FAM124B: variants seen among roughly 807,000 people sequenced by gnomAD.
FAM124B encodes the protein protein FAM124B.
In FAM124B, 18 loss-of-function variants were observed where a neutral mutation model predicts 19.7. The ratio of observed to expected loss-of-function variants is 0.92; its 90% CI spans 0.63 to 1.36. The LOEUF is 1.36. FAM124B is among the 40% of genes most tolerant of loss of function. The probability of loss-of-function intolerance (pLI) is 0.00; values close to 1 mark genes in which losing one functional copy is unlikely to be tolerated. For synonymous variants in FAM124B, 223 were observed against 225.2 expected (o/e 0.99, Z 0.09); for missense variants, 540 against 553.3 (o/e 0.98, Z 0.24).
intron 1 of FAM124B, 97 bp from the exon 2 acceptor site, chr2:224,380,305 C>T (rs1689695678): frequency 1.9e-6 from 2 of 1,071,554 alleles, no homozygotes; most frequent in Non-Finnish European, 2.6e-6. Flanking sequence ...CATGCCATGC[C>T]CATAGCAGAC....
intron 1 of FAM124B, among the ~76,000 whole-genome samples, chr2:224,396,110 G>A (rs867600728): frequency 6.6e-6 from 1 of 152,164 alleles, no homozygotes; most frequent in Non-Finnish European, 1.5e-5. Context: ...GTTCACAGGA[G>A]TGAGCCCAAA....
intron 1 of FAM124B, among the ~76,000 whole-genome samples, chr2:224,391,303 T>TGCACTCCA (rs1453849247): frequency 1.4e-5 from 2 of 144,034 alleles, no homozygotes; most frequent in African/African-American, 5.2e-5. Flanking sequence ...ATCACACCAC[T>TGCACTCCA]GCACTCCAGT....
At chr2:224,382,016 G>T (rs924026839) in intron 1 of FAM124B, among the ~76,000 whole-genome samples, 7 of 152,060 alleles carry the variant, frequency 4.6e-5, no homozygotes, top group African/African-American at 1.7e-4. Flanking sequence ...TATAGATGAC[G>T]CAGAGTACAT....
chr2:224,381,415 C>G (rs1689714284), intron 1 of FAM124B, among the ~76,000 whole-genome samples: 1 of 152,074 alleles, frequency 6.6e-6, no homozygotes, highest in South Asian at 2.1e-4. Context: ...ATGACTGCAC[C>G]ACTGCACTCC....
chr2:224,394,541 C>G (rs1689938732), intron 1 of FAM124B, among the ~76,000 whole-genome samples: 1 of 152,184 alleles, frequency 6.6e-6, no homozygotes, highest in African/African-American at 2.4e-5. Flanking sequence ...AGTGGTCAGT[C>G]AAGCCCCCTT....
intron 1 of FAM124B, among the ~76,000 whole-genome samples, chr2:224,391,806 T>C (rs1689893197): frequency 6.6e-6 from 1 of 152,174 alleles, no homozygotes; most frequent in African/African-American, 2.4e-5. Context: ...ATCTTTAAAG[T>C]GGAGATATTT....
At chr2:224,393,464 C>A (rs113052487) in intron 1 of FAM124B, among the ~76,000 whole-genome samples, 1 of 152,162 alleles carries the variant, frequency 6.6e-6, no homozygotes, top group African/African-American at 2.4e-5. Context: ...GAGGTTTTAT[C>A]TTGTAATTTA....
intron 1 of FAM124B, among the ~76,000 whole-genome samples, chr2:224,396,616 C>T (rs1032043574): frequency 6.6e-6 from 1 of 152,174 alleles, no homozygotes; most frequent in African/African-American, 2.4e-5. Context: ...CTCTGGAGAC[C>T]CACAACCTTC....
intron 1 of FAM124B, among the ~76,000 whole-genome samples, chr2:224,392,995 C>T (rs143915347): frequency 6.4e-4 from 98 of 152,272 alleles, no homozygotes; most frequent in East Asian, 1.9e-4. Context: ...CCACATGTGG[C>T]GAATGGCCAC....
At chr2:224,400,503 T>A in intron 1 of FAM124B, 1 of 692,552 alleles carries the variant, frequency 1.4e-6, no homozygotes, top group South Asian at 1.5e-5. Flanking sequence ...AAGACTCCCA[T>A]CTCTAAAAAA....
At chr2:224,399,556 G>A (rs1156472968) in intron 1 of FAM124B, 1 of 152,128 alleles carries the variant, frequency 6.6e-6, no homozygotes, top group Non-Finnish European at 1.5e-5. Context: ...AGAAGCCACA[G>A]GATATTTTGC....
chr2:224,385,198 C>T (rs1353672075), intron 1 of FAM124B, among the ~76,000 whole-genome samples: 3 of 152,184 alleles, frequency 2.0e-5, no homozygotes, highest in African/African-American at 7.2e-5. Context: ...TGGTAATTCC[C>T]TCCTACCACT....
chr2:224,381,694 G>C (rs1042847656), intron 1 of FAM124B, among the ~76,000 whole-genome samples: 1 of 152,056 alleles, frequency 6.6e-6, no homozygotes, highest in Non-Finnish European at 1.5e-5. Flanking sequence ...TTGGGTGATG[G>C]TGATGTGTCG....
In FAM124B at chr2:224,401,237, C is replaced by A. The variant is rs375219740; in HGVS notation, c.532G>T (p.Ala178Ser). The A allele has an allele frequency of 3.7e-6, 6 of 1,614,094 alleles. No individual in the cohort carries two copies. The African/African-American group carries it at 8.0e-5, about 22-fold the overall frequency. The change falls in exon 1 of 2, where the codon GCC becomes TCC. Residue 178 changes from alanine to serine, a missense_variant. By Grantham distance (99) the Ala-to-Ser change is moderately conservative. Coordinates refer to ENST00000409685, the MANE Select transcript of FAM124B (RefSeq NM_001122779.2). The stretch of plus-strand genomic sequence containing the variant: ...AGCTGCAGAGCAAAGCTCTTGGAGG[C>A]ATAGAGCACGAAGAAACAAAAATTG... ...KSNFCFFVLY[A>S]SKSFALQLSL...
chr2:224,395,303 G>A (rs1003959143), intron 1 of FAM124B, among the ~76,000 whole-genome samples: 21 of 152,148 alleles, frequency 1.4e-4, no homozygotes, highest in East Asian at 3.8e-4. Flanking sequence ...CTTTGGACAC[G>A]GGTCTCAGCT....
Position 224,380,110 on chromosome 2 carries a change from G to A in FAM124B, c.831C>T (p.Thr277=), listed in dbSNP as rs1689691366. 1.9e-6 allele frequency: 3 copies of A among 1,551,556 alleles called. No individual in the cohort carries two copies. The African/African-American group carries it at 4.1e-5, about 21-fold the overall frequency. ...SRLTSVSAKR[T]SEPRSQRNQG... is the part of the protein sequence containing the mutation. ...GGTTCCTCTGGCTCCTGGGTTCTGA[G>A]GTCCTCTTTGCAGAGACAGAAGTCA... The change falls in exon 2 of 2, where the codon ACC becomes ACT. Residue 277 remains threonine (T), a synonymous_variant. Transcript: ENST00000409685.
chr2:224,385,888 C>T (rs1235734773), intron 1 of FAM124B, among the ~76,000 whole-genome samples: 1 of 152,170 alleles, frequency 6.6e-6, no homozygotes, highest in Non-Finnish European at 1.5e-5. Flanking sequence ...CACCCTGGAG[C>T]AGGCCATCAT....
chr2:224,397,028 T>C (rs1188127370), intron 1 of FAM124B, among the ~76,000 whole-genome samples: 2 of 152,038 alleles, frequency 1.3e-5, no homozygotes, highest in Non-Finnish European at 2.9e-5. Context: ...GGCTGGATTT[T>C]CTTTTCTTTT....
At chr2:224,390,358 G>C (rs190622692) in intron 1 of FAM124B, among the ~76,000 whole-genome samples, 18 of 152,164 alleles carry the variant, frequency 1.2e-4, no homozygotes, top group African/African-American at 3.6e-4. Flanking sequence ...AGAATGGCAG[G>C]GGGAGAAGCA....
Sources: gnomAD v4.1 joint callset for allele counts (sites outside exome capture counted in the v4.1 genomes callset) on GRCh38, gnomAD v4.1.1 for gene constraint, MANE v1.5 for transcripts, NCBI Gene and HGNC (gene_info 2026-07-23, HGNC 2026-07-21) for gene names.